Variants in MAGI2 observed in about 807,000 individuals in gnomAD.
MAGI2 encodes membrane-associated guanylate kinase, WW and PDZ domain-containing protein 2.
A neutral mutation model predicts 133.3 loss-of-function variants in MAGI2; 35 were observed. The ratio of observed to expected loss-of-function variants is 0.26; its 90% CI spans 0.20 to 0.35. The LOEUF is 0.35. Among genes scored for constraint, MAGI2 ranks in the 10% least tolerant of loss-of-function variants. The pLI is 1.00. For synonymous variants in MAGI2, 729 were observed against 710.6 expected (o/e 1.03, Z -0.41); for missense variants, 1,636 against 1,863.4 (o/e 0.88, Z 2.25).
At chr7:78,937,402 T>G (rs117294332) in intron 2 of MAGI2, among the ~76,000 whole-genome samples, 3 of 151,746 alleles carry the variant, frequency 2.0e-5, no homozygotes, top group Non-Finnish European at 4.4e-5. Flanking sequence ...AAATCACCAT[T>G]AGGCAAATTA....
At chr7:78,560,271 G>T (rs192199349) in intron 3 of MAGI2, among the ~76,000 whole-genome samples, 1 of 152,184 alleles carries the variant, frequency 6.6e-6, no homozygotes. Context: ...TGAGTTTGAA[G>T]TGACAGCAGA....
intron 19 of MAGI2, 123 bp from the exon 20 acceptor site, chr7:78,125,960 AGAAGTC>A: frequency 9.7e-7 from 1 of 1,030,962 alleles, no homozygotes. Flanking sequence ...TGATGTTGGG[AGAAGTC>A]GTAATCTGGC....
At chr7:79,186,149 G>C (rs1827068644) in intron 1 of MAGI2, among the ~76,000 whole-genome samples, 1 of 145,048 alleles carries the variant, frequency 6.9e-6, no homozygotes, top group Non-Finnish European at 1.5e-5. Flanking sequence ...TTTACCATTT[G>C]TTTCCCAAAT....
intron 21 of MAGI2, among the ~76,000 whole-genome samples, chr7:78,070,581 T>G: frequency 1.5e-5 from 1 of 67,082 alleles, no homozygotes; most frequent in African/African-American, 4.0e-5. Flanking sequence ...TGTGTATATA[T>G]GTGTATATAT....
At chr7:78,626,192 A>T (rs1023145809) in intron 3 of MAGI2, among the ~76,000 whole-genome samples, 18 of 152,204 alleles carry the variant, frequency 1.2e-4, no homozygotes, top group Admixed American at 3.9e-4. Flanking sequence ...ACTTAATAAT[A>T]GCATCTGTAC....
At chr7:78,908,241 A>T (rs138369313) in intron 2 of MAGI2, among the ~76,000 whole-genome samples, 172 of 152,338 alleles carry the variant, frequency 1.1e-3, no homozygotes, top group African/African-American at 4.0e-3. Context: ...TAACTTCAGA[A>T]TCTATTTGGT....
chr7:79,176,035 A>T (rs577458749), intron 1 of MAGI2, among the ~76,000 whole-genome samples: 1 of 152,220 alleles, frequency 6.6e-6, no homozygotes, highest in East Asian at 1.9e-4. Flanking sequence ...ACCTGCTAAT[A>T]TAATAGTTTC....
In MAGI2 at chr7:78,951,026, CA is replaced by C. The variant is rs1801832892; in HGVS notation, c.418+56063del. Among the ~76,000 whole-genome samples the C allele has an allele frequency of 2.1e-5, 3 of 142,548 alleles. No individual in the cohort carries two copies. The Admixed American group carries it at 2.2e-4, about 10-fold the overall frequency. The allele number at this position is 142,548 out of a possible 152,430, so 93.5% of individuals were successfully genotyped here. A position where few individuals can be genotyped will look rare whatever the true frequency, so the allele number is the denominator to read the frequency against. On this transcript the variant is annotated intron_variant, in intron 2 of 21. Coordinates refer to ENST00000354212, the MANE Select transcript of MAGI2 (RefSeq NM_012301.4). ...TTCCTCTGTCACCCAAGCGGGAGTG[CA>C]GTGGTGCGATCTCAGCTAACTGCAC...
chr7:78,414,229 A>C (rs1798101720), intron 6 of MAGI2, among the ~76,000 whole-genome samples: 1 of 152,072 alleles, frequency 6.6e-6, no homozygotes, highest in Non-Finnish European at 1.5e-5. Context: ...AATATGATAA[A>C]ATATGAATGA....
chr7:79,173,149 AT>A (rs1041387448), intron 1 of MAGI2, among the ~76,000 whole-genome samples: 60 of 152,142 alleles, frequency 3.9e-4, no homozygotes, highest in African/African-American at 1.4e-3. Flanking sequence ...AATAGAAAAC[AT>A]TTTATTCATA....
At chr7:79,426,411 G>A (rs1847374763) in intron 1 of MAGI2, among the ~76,000 whole-genome samples, 2 of 151,886 alleles carry the variant, frequency 1.3e-5, no homozygotes, top group African/African-American at 2.4e-5. Flanking sequence ...ATAAAAAATT[G>A]TCATTGTAAT....
At chr7:79,100,084 C>T (rs905154506) in intron 1 of MAGI2, among the ~76,000 whole-genome samples, 1 of 151,852 alleles carries the variant, frequency 6.6e-6, no homozygotes, top group Non-Finnish European at 1.5e-5. Flanking sequence ...CTTTGAATGA[C>T]TGCATATTAT....
At position 78,343,797 on chromosome 7, in the gene MAGI2, C is replaced by T. The variant is rs2151185566; in HGVS notation, c.1389G>A (p.Gln463=). Residue 463 remains glutamine (Q), a synonymous_variant, in exon 9 of 22, where the codon CAG becomes CAA. Coordinates refer to ENST00000354212, the MANE Select transcript of MAGI2 (RefSeq NM_012301.4). ...KSVIPDGPAA[Q]DGKMETGDVI... ...CCTTACCTGTTTCCATTTTTCCATC[C>T]TGTGCTGCAGGCCCATCCGGAATCA... The T allele has an allele frequency of 1.9e-6, 3 of 1,580,192 alleles. No individual in the cohort carries two copies. The highest frequency in any genetic ancestry group is 2.6e-6 in the Non-Finnish European group (3 of 1,167,596).
intron 1 of MAGI2, among the ~76,000 whole-genome samples, chr7:79,341,386 G>A (rs1011922884): frequency 1.3e-5 from 2 of 150,626 alleles, no homozygotes; most frequent in South Asian, 2.1e-4. Flanking sequence ...TAGAAATAAC[G>A]AGTTGTGTTT....
chr7:78,984,996 C>CT (rs142419894), intron 2 of MAGI2, among the ~76,000 whole-genome samples: 1,802 of 140,820 alleles, frequency 0.013, 45 homozygotes, highest in Admixed American at 0.04. Flanking sequence ...TTCTTCTTTC[C>CT]TTTTTTTTTT....
intron 1 of MAGI2, among the ~76,000 whole-genome samples, chr7:79,211,623 GAATAGA>G (rs1234964466): frequency 1.3e-5 from 2 of 151,688 alleles, no homozygotes; most frequent in East Asian, 3.9e-4. Flanking sequence ...TAACTTTACT[GAATAGA>G]AAGATTATAG....
chr7:78,599,018 A>G (rs1050253340), intron 3 of MAGI2, among the ~76,000 whole-genome samples: 16 of 152,154 alleles, frequency 1.1e-4, no homozygotes, highest in Admixed American at 5.9e-4. Flanking sequence ...TAGATTGTGT[A>G]TAATTGTGAA....
intron 2 of MAGI2, among the ~76,000 whole-genome samples, chr7:78,753,978 T>A (rs1441749327): frequency 2.0e-5 from 3 of 152,174 alleles, no homozygotes; most frequent in Non-Finnish European, 4.4e-5. Flanking sequence ...TCATCACTTG[T>A]GGTATACAGA....
chr7:79,073,717 G>A (rs138786208), intron 1 of MAGI2, among the ~76,000 whole-genome samples: 44 of 151,484 alleles, frequency 2.9e-4, no homozygotes, highest in African/African-American at 9.5e-4. Context: ...GTGTCTAGGC[G>A]GATAAAGACC....
Sources: allele counts gnomAD v4.1 joint callset (sites outside exome capture counted in the v4.1 genomes callset), GRCh38; gene constraint gnomAD v4.1.1; transcripts MANE v1.5; gene names NCBI Gene and HGNC (gene_info 2026-07-23, HGNC 2026-07-21).